Variants in INPP4B observed in about 807,000 individuals in gnomAD.
INPP4B encodes the protein inositol polyphosphate-4-phosphatase type II B.
In INPP4B, 55 loss-of-function variants were observed where a neutral mutation model predicts 122.5. The ratio of observed to expected loss-of-function variants is 0.45; its 90% confidence interval spans 0.36 to 0.56. INPP4B has a LOEUF of 0.56. Among genes scored for constraint, INPP4B ranks in the 20% least tolerant of loss-of-function variants. The probability of loss-of-function intolerance (pLI) is 0.00; values close to 1 mark genes in which losing one functional copy is unlikely to be tolerated. For synonymous variants in INPP4B, 403 were observed against 388.7 expected, an observed-to-expected ratio of 1.04 and a Z score of -0.43; for missense variants, 1,000 against 1,097.7, an observed-to-expected ratio of 0.91 and a Z score of 1.26.
At chr4:142,377,512 C>T (rs1194837868) in intron 7 of INPP4B, among the ~76,000 whole-genome samples, 4 of 151,872 alleles carry the variant, frequency 2.6e-5, no homozygotes, top group African/African-American at 9.7e-5. Context: ...AGTATGATTT[C>T]GAAAGTGAAT....
chr4:142,780,290 T>G (rs114050720), intron 1 of INPP4B, among the ~76,000 whole-genome samples: 1,617 of 151,854 alleles, frequency 0.011, 34 homozygotes, highest in African/African-American at 0.037. Flanking sequence ...CCCAGAAGAG[T>G]GGTCATGAGA....
chr4:142,119,360 G>A (rs893893609), intron 21 of INPP4B, among the ~76,000 whole-genome samples: 23 of 152,114 alleles, frequency 1.5e-4, no homozygotes, highest in Non-Finnish European at 2.8e-4. Flanking sequence ...CGTTTGTTGC[G>A]GCACTATTCA....
chr4:142,178,950 C>T (rs749082037), intron 15 of INPP4B, among the ~76,000 whole-genome samples: 12 of 151,826 alleles, frequency 7.9e-5, no homozygotes, highest in Admixed American at 1.3e-4. Flanking sequence ...CTTTAGTGTA[C>T]TTAAATATAC....
chr4:142,611,549 G>T (rs1742505794), intron 2 of INPP4B, among the ~76,000 whole-genome samples: 1 of 139,294 alleles, frequency 7.2e-6, no homozygotes, highest in African/African-American at 2.7e-5. Flanking sequence ...TTTTTCGTTT[G>T]TAAAAAAAAA....
At chr4:142,567,174 T>G (rs970770333) in intron 2 of INPP4B, among the ~76,000 whole-genome samples, 1 of 152,212 alleles carries the variant, frequency 6.6e-6, no homozygotes, top group African/African-American at 2.4e-5. Flanking sequence ...CGGTCTTCAT[T>G]TCCTATATAA....
chr4:142,522,023 CTGTCACTTGACTGGCTGTGTGCT>C (rs1379035785), intron 2 of INPP4B, among the ~76,000 whole-genome samples: 2 of 152,108 alleles, frequency 1.3e-5, no homozygotes, highest in African/African-American at 4.8e-5. Flanking sequence ...GAATCTTGCC[CTGTCACTTGACTGGCTGTGTGCT>C]TTGGGCAAGT....
intron 9 of INPP4B, among the ~76,000 whole-genome samples, chr4:142,296,204 AC>A (rs1758625492): frequency 6.6e-6 from 1 of 152,166 alleles, no homozygotes; most frequent in Non-Finnish European, 1.5e-5. Context: ...CAAATCCAAC[AC>A]CTTTTGGATA....
chr4:142,265,395 A>G (rs1469558862), intron 10 of INPP4B, among the ~76,000 whole-genome samples: 2 of 152,162 alleles, frequency 1.3e-5, no homozygotes, highest in Non-Finnish European at 2.9e-5. Context: ...TCTTTCCATA[A>G]TGATAGTCAT....
intron 21 of INPP4B, among the ~76,000 whole-genome samples, chr4:142,119,134 T>C (rs967328307): frequency 3.3e-5 from 5 of 152,004 alleles, no homozygotes; most frequent in Non-Finnish European, 5.9e-5. Flanking sequence ...ATCATTAAAA[T>C]GTCAGGAAAC....
intron 1 of INPP4B, among the ~76,000 whole-genome samples, chr4:142,806,760 GAAA>G (rs1778798086): frequency 1.7e-5 from 1 of 58,930 alleles, no homozygotes; most frequent in South Asian, 6.4e-4. Flanking sequence ...AGAAGAAGAA[GAAA>G]GAAGAAAGAA....
chr4:142,669,814 A>G (rs1422073203), intron 2 of INPP4B, among the ~76,000 whole-genome samples: 3 of 152,174 alleles, frequency 2.0e-5, no homozygotes, highest in African/African-American at 7.2e-5. Context: ...AGCCATGGCT[A>G]TTATCAAAAA....
intron 1 of INPP4B, among the ~76,000 whole-genome samples, chr4:142,830,401 A>G (rs916250855): frequency 2.6e-5 from 4 of 152,148 alleles, no homozygotes; most frequent in South Asian, 4.1e-4. Flanking sequence ...TTGTGGAGGT[A>G]GAGTCCAGAC....
At chr4:142,281,694 G>A (rs1331220480) in intron 9 of INPP4B, among the ~76,000 whole-genome samples, 4 of 151,924 alleles carry the variant, frequency 2.6e-5, no homozygotes, top group Non-Finnish European at 5.9e-5. Context: ...TGTGCACCCA[G>A]AAATTCACTG....
At chr4:142,516,197 T>A (rs1169460383) in intron 2 of INPP4B, among the ~76,000 whole-genome samples, 1 of 152,152 alleles carries the variant, frequency 6.6e-6, no homozygotes, top group Non-Finnish European at 1.5e-5. Context: ...AGGATCTCAA[T>A]TCTATTACTG....
intron 2 of INPP4B, among the ~76,000 whole-genome samples, chr4:142,607,520 C>A (rs893855176): frequency 1.3e-5 from 2 of 152,044 alleles, no homozygotes; most frequent in Non-Finnish European, 2.9e-5. Context: ...TGCATCCAAA[C>A]CTCTTGGTCT....
intron 22 of INPP4B, 41 bp from the exon 23 acceptor site, chr4:142,108,231 G>T (rs754288260): frequency 5.7e-6 from 6 of 1,061,662 alleles, no homozygotes; most frequent in Admixed American, 1.9e-5. Context: ...GTTATAAAAC[G>T]GTACCAAAAA....
chr4:142,549,797 C>A (rs1448480936), intron 2 of INPP4B, among the ~76,000 whole-genome samples: 1 of 152,146 alleles, frequency 6.6e-6, no homozygotes, highest in Non-Finnish European at 1.5e-5. Context: ...GGGCCTATGG[C>A]AGTTCAGAAA....
intron 12 of INPP4B, among the ~76,000 whole-genome samples, chr4:142,225,621 T>G (rs962150250): frequency 1.3e-5 from 2 of 151,452 alleles, no homozygotes; most frequent in Non-Finnish European, 2.9e-5. Context: ...TCCTTTCCTC[T>G]AAAGTCCTTG....
At chr4:142,227,962 A>G (rs1447562764) in intron 12 of INPP4B, among the ~76,000 whole-genome samples, 1 of 151,880 alleles carries the variant, frequency 6.6e-6, no homozygotes, top group Non-Finnish European at 1.5e-5. Flanking sequence ...CAAGGGTAAA[A>G]ACAAAATTTC....
Sources: allele counts gnomAD v4.1 joint callset (sites outside exome capture counted in the v4.1 genomes callset), GRCh38; gene constraint gnomAD v4.1.1; transcripts MANE v1.5; gene names NCBI Gene and HGNC (gene_info 2026-07-23, HGNC 2026-07-21).